Variants in DRC11 observed in about 807,000 individuals in gnomAD.
DRC11 encodes dynein regulatory complex subunit 11.
At chr2:236,379,216 C>A in the DRC11 span, among the ~76,000 whole-genome samples, 2 of 152,300 alleles carry the variant, frequency 1.3e-5, no homozygotes, top group South Asian at 2.1e-4. Flanking sequence ...GAAGCAGGAA[C>A]CCCCAAACAG....
the DRC11 span, among the ~76,000 whole-genome samples, chr2:236,356,903 ATT>A: frequency 7.7e-6 from 1 of 129,906 alleles, no homozygotes; most frequent in African/African-American, 3.2e-5. Context: ...TAATATGTAT[ATT>A]TATATATTAT....
chr2:236,441,156 A>G, the DRC11 span: 1 of 1,393,168 alleles, frequency 7.2e-7, no homozygotes, highest in Admixed American at 2.0e-5. Context: ...ATTAAAATGG[A>G]AATGAAGTCC....
the DRC11 span, among the ~76,000 whole-genome samples, chr2:236,491,332 A>G: frequency 6.8e-6 from 1 of 146,162 alleles, no homozygotes; most frequent in Non-Finnish European, 1.5e-5. Flanking sequence ...GGCCATGGGG[A>G]AGTCGCAGCA....
chr2:236,448,797 C>T, the DRC11 span, among the ~76,000 whole-genome samples: 1 of 152,102 alleles, frequency 6.6e-6, no homozygotes, highest in Non-Finnish European at 1.5e-5. The surrounding 1 kb of genome is among the most constrained non-coding windows in gnomAD (Gnocchi z 5.3). Context: ...AGTGGGGGAG[C>T]CATGGAATTT....
the DRC11 span, among the ~76,000 whole-genome samples, chr2:236,412,330 C>T: frequency 2.0e-5 from 3 of 152,160 alleles, no homozygotes; most frequent in African/African-American, 7.2e-5. Context: ...CATGCTGTTC[C>T]CATCCCCCAG....
the DRC11 span, among the ~76,000 whole-genome samples, chr2:236,404,353 T>C: frequency 1.2e-4 from 18 of 150,808 alleles, no homozygotes; most frequent in South Asian, 3.5e-3. Flanking sequence ...CATAGATTCA[T>C]TGAAGTTGTC....
the DRC11 span, among the ~76,000 whole-genome samples, chr2:236,481,576 T>C: frequency 3.3e-5 from 5 of 152,164 alleles, no homozygotes; most frequent in African/African-American, 1.2e-4. Context: ...TGAAGCCAGG[T>C]TGCTTCTATT....
the DRC11 span, among the ~76,000 whole-genome samples, chr2:236,317,904 T>TG: frequency 6.6e-6 from 1 of 152,152 alleles, no homozygotes; most frequent in East Asian, 1.9e-4. This position sits in a 1 kb window ranked among gnomAD's most constrained non-coding sequence, Gnocchi z 5.4. Flanking sequence ...CTTTTATTGA[T>TG]GAAGAAATAA....
the DRC11 span, among the ~76,000 whole-genome samples, chr2:236,379,858 G>A: frequency 4.7e-5 from 7 of 148,702 alleles, no homozygotes; most frequent in Non-Finnish European, 1.0e-4. Context: ...GGAGAGGGGA[G>A]GGAACCCCCA....
the DRC11 span, among the ~76,000 whole-genome samples, chr2:236,317,322 T>C: frequency 6.6e-6 from 1 of 151,100 alleles, no homozygotes; most frequent in Non-Finnish European, 1.5e-5. This position sits in a 1 kb window ranked among gnomAD's most constrained non-coding sequence, Gnocchi z 5.4. Flanking sequence ...AGATAGGCTC[T>C]CATTAACAGT....
At chr2:236,441,268 C>T in the DRC11 span, 5 of 625,852 alleles carry the variant, frequency 8.0e-6, no homozygotes, top group Non-Finnish European at 1.4e-5. Flanking sequence ...GGCATGGTGT[C>T]TTGAAGAAAC....
the DRC11 span, among the ~76,000 whole-genome samples, chr2:236,313,210 G>T: frequency 6.6e-6 from 1 of 152,016 alleles, no homozygotes; most frequent in Non-Finnish European, 1.5e-5. The surrounding 1 kb of genome is among the most constrained non-coding windows in gnomAD (Gnocchi z 4.5). Context: ...TACAAGAGAA[G>T]AAAGTTATAA....
chr2:236,320,537 G>A, the DRC11 span, among the ~76,000 whole-genome samples: 2 of 152,172 alleles, frequency 1.3e-5, no homozygotes, highest in Admixed American at 1.3e-4. Flanking sequence ...GGTGTTTGGT[G>A]AAGCCCCGAC....
the DRC11 span, chr2:236,488,188 AT>A: frequency 6.3e-7 from 1 of 1,578,408 alleles, no homozygotes; most frequent in Non-Finnish European, 8.6e-7. Flanking sequence ...TTTACAGGGT[AT>A]TTCTGCAAAA....
chr2:236,410,342 G>A, the DRC11 span, among the ~76,000 whole-genome samples: 1 of 152,102 alleles, frequency 6.6e-6, no homozygotes, highest in Admixed American at 6.5e-5. Flanking sequence ...TCTTGGGAGA[G>A]TGTATGTGTC....
chr2:236,489,162 TGG>T, the DRC11 span, among the ~76,000 whole-genome samples: 1 of 132,688 alleles, frequency 7.5e-6, no homozygotes, highest in Non-Finnish European at 1.6e-5. Flanking sequence ...GGGTGCATGC[TGG>T]GGCCTGTGTG....
the DRC11 span, among the ~76,000 whole-genome samples, chr2:236,477,959 T>C: frequency 1.3e-4 from 20 of 152,048 alleles, no homozygotes; most frequent in African/African-American, 4.8e-4. Context: ...TAAAAGTCTG[T>C]TAATTTTGTT....
the DRC11 span, among the ~76,000 whole-genome samples, chr2:236,437,628 G>T: frequency 6.7e-6 from 1 of 149,754 alleles, no homozygotes; most frequent in East Asian, 2.1e-4. Context: ...TTTAATGATT[G>T]CCATTCTAAC....
the DRC11 span, among the ~76,000 whole-genome samples, chr2:236,334,122 C>A: frequency 6.6e-6 from 1 of 152,198 alleles, no homozygotes; most frequent in African/African-American, 2.4e-5. This position sits in a 1 kb window ranked among gnomAD's most constrained non-coding sequence, Gnocchi z 7.8. Flanking sequence ...GACCTGCCCA[C>A]CTGCCTGCTC....
Sources: gnomAD v4.1 joint callset for allele counts (sites outside exome capture counted in the v4.1 genomes callset) on GRCh38, gnomAD v4.1.1 for gene constraint, Gnocchi (gnomAD v3.1) non-coding constraint, MANE v1.5 for transcripts, NCBI Gene and HGNC (gene_info 2026-07-23, HGNC 2026-07-21) for gene names.